SLC4A2: variants seen among roughly 807,000 people sequenced by gnomAD.
SLC4A2 encodes the protein anion exchange protein 2.
SLC4A2 carries 36 observed loss-of-function variants against 115.0 expected under a neutral mutation model. The ratio of observed to expected loss-of-function variants is 0.31; its 90% CI spans 0.24 to 0.41. The LOEUF (loss-of-function observed/expected upper bound fraction) is 0.41, where lower values mean the gene tolerates loss of function less well. Ranked by LOEUF, SLC4A2 falls within the 10% of genes least tolerant of loss-of-function variation. The pLI is 1.00. For missense variants in SLC4A2, 1,252 were observed against 1,705.6 expected (o/e 0.73, Z 4.68); for synonymous variants, 708 against 708.3 (o/e 1.00, Z 0.01).
chr7:151,073,362 C>A (rs1010370940), intron 16 of SLC4A2, among the ~76,000 whole-genome samples: 8 of 152,010 alleles, frequency 5.3e-5, no homozygotes, highest in Non-Finnish European at 1.2e-4. Context: ...CTCACTGCAA[C>A]TTTGGCATCC....
In SLC4A2 at chr7:151,076,078, C is replaced by A. The variant is rs2303940; in HGVS notation, c.3537C>A (p.Ala1179=). The change falls in exon 22 of 23, where the codon GCC becomes GCA. Residue 1179 remains alanine, a synonymous_variant. Coordinates refer to ENST00000413384, the MANE Select transcript of SLC4A2 (RefSeq NM_003040.4). The stretch of plus-strand genomic sequence containing the variant: ...TGCTCTGCCTGGCCCTGCTCTGGGC[C>A]GTCATGTCCACAGCTGCCTCCCTGG... ...LQLLCLALLW[A]VMSTAASLAF... is the part of the protein sequence containing the mutation. 6.2e-7 allele frequency: 1 copy of A among 1,611,606 alleles called. No homozygotes were observed. The highest frequency in any genetic ancestry group is 8.5e-7 in the Non-Finnish European group (1 of 1,179,964).
Position 151,064,884 on chromosome 7 carries a change from G to A in SLC4A2, c.496G>A (p.Ala166Thr). 3 of 1,613,998 alleles carry A rather than the reference G, an allele frequency of 1.9e-6. No homozygotes were observed. The highest frequency in any genetic ancestry group is 3.3e-5 in the Admixed American group (2 of 60,016). Residue 166 changes from alanine to threonine, a missense_variant, in exon 5 of 23, where the codon GCA (alanine) becomes ACA (threonine). Ala to Thr is a moderately conservative substitution (Grantham distance 58). This residue lies in a region of SLC4A2 where 215 missense variants were observed against 205.2 expected (regional missense o/e 1.05). Coordinates refer to ENST00000413384, the MANE Select transcript of SLC4A2 (RefSeq NM_003040.4). ...AGAGGATGACAGTGCTGACCGGAAG[G>A]CAGAGAGGACCAGTCCATCTTCCCC... ...LQEDDSADRK[A>T]ERTSPSSPAP...
At position 151,067,002 on chromosome 7, in the gene SLC4A2, C is replaced by T; in HGVS notation, c.966+9C>T. 1 of 1,581,702 alleles carries T rather than the reference C, an allele frequency of 6.3e-7. No homozygotes were observed. Among genetic ancestry groups the T allele is most frequent in the Middle Eastern group, 1.7e-4 (1 of 5,870 alleles). On this transcript the variant is annotated intron_variant, in intron 7 of 22. Transcript: ENST00000413384. ...CCCACAAGCCCCATGAGGTACCATG[C>T]TCTGCTTCATGCTCTTCCATCAACT... is the stretch of plus-strand genomic sequence containing the variant.
At chr7:151,070,418 A>G in intron 10 of SLC4A2, 39 bp from the exon 11 acceptor site, 1 of 1,611,486 alleles carries the variant, frequency 6.2e-7, no homozygotes, top group Non-Finnish European at 8.5e-7. Flanking sequence ...TCAGAGTGGG[A>G]GGGGCCTGGC....
chr7:151,064,295 G>A lies in SLC4A2; in HGVS notation c.145G>A (p.Glu49Lys), dbSNP rs1584983813. 6.2e-7 allele frequency: 1 copy of A among 1,611,446 alleles called. No homozygotes were observed. The highest frequency in any genetic ancestry group is 8.5e-7 in the Non-Finnish European group (1 of 1,179,536). Residue 49 changes from glutamate (E) to lysine (K), a missense_variant, in exon 3 of 23, where the codon GAG (glutamate) becomes AAG (lysine). By Grantham distance (56) the Glu-to-Lys change is moderately conservative. Coordinates refer to ENST00000413384, the MANE Select transcript of SLC4A2 (RefSeq NM_003040.4). Reference protein sequence around the residue: ...HRTLGVERFEEILQEAGSRGG... With the variant: ...HRTLGVERFEKILQEAGSRGG... ...CACCCTGGGCGTGGAGCGGTTTGAGGAGATCCTACAGGAGGCCGGGTCTCG... is the reference window on the plus strand; with the variant it reads ...CACCCTGGGCGTGGAGCGGTTTGAGAAGATCCTACAGGAGGCCGGGTCTCG...
chr7:151,065,341 T>C (rs901977921), intron 5 of SLC4A2, among the ~76,000 whole-genome samples: 1 of 152,116 alleles, frequency 6.6e-6, no homozygotes, highest in Non-Finnish European at 1.5e-5. Context: ...ACTGGACTGG[T>C]GACCTCCCAG....
At chr7:151,067,809 C>T (rs1288299191) in intron 7 of SLC4A2, 65 bp from the exon 8 acceptor site, 3 of 1,463,002 alleles carry the variant, frequency 2.1e-6, no homozygotes, top group African/African-American at 2.8e-5. Flanking sequence ...CCACTCACCT[C>T]TGACACCCAC....
Position 151,066,580 on chromosome 7 carries a change from C to T in SLC4A2, c.642C>T (p.Asp214=), listed in dbSNP as rs774633051. The change falls in exon 6 of 23, where the codon GAC becomes GAT. Residue 214 remains aspartate (D), a synonymous_variant. Transcript: ENST00000413384. ...VAVASGTAGG[D]DGGASGRPLP... ...TGGCCAGTGGCACTGCAGGGGGTGACGACGGGGGTGCCTCGGGGCGCCCCC... is the reference window on the plus strand; with the variant it reads ...TGGCCAGTGGCACTGCAGGGGGTGATGACGGGGGTGCCTCGGGGCGCCCCC... The T allele has an allele frequency of 1.0e-4, 160 of 1,546,616 alleles. No homozygotes were observed. The highest frequency in any genetic ancestry group is 1.3e-4 in the South Asian group (11 of 83,764).
rs761275427 is a variant in SLC4A2, at chr7:151,070,444, CTG to C, written c.1450-9_1450-8del. The C allele has an allele frequency of 1.2e-6, 2 of 1,611,414 alleles. No individual in the cohort carries two copies. Among genetic ancestry groups the C allele is most frequent in the Non-Finnish European group, 1.7e-6 (2 of 1,178,904 alleles). ...GGGGCCTGGCTGGGCTGAGCCCTGT[CTG>C]TGTCCCCCAGCGTGAGCTGCCGCCT... On this transcript the variant is annotated splice_polypyrimidine_tract_variant and intron_variant, in intron 10 of 22. Transcript: ENST00000413384.
rs773194897 is a variant in SLC4A2, at chr7:151,064,618, C to T, written c.310C>T (p.Arg104Trp). 5.0e-6 allele frequency: 8 copies of T among 1,613,424 alleles called. No individual in the cohort carries two copies. The highest frequency in any genetic ancestry group is 4.5e-5 in the East Asian group (2 of 44,890). ...CCGCAAGACACCCCAGGGCCCAGGA[C>T]GGAAGCCTCGAAGGCGCCCGGGAGC... ...RRRKTPQGPG[R>W]KPRRRPGASP... Residue 104 changes from arginine (R) to tryptophan (W), a missense_variant, in exon 4 of 23, where the codon CGG becomes TGG. This residue lies in a region of SLC4A2 where 215 missense variants were observed against 205.2 expected (regional missense o/e 1.05). Coordinates refer to ENST00000413384, the MANE Select transcript of SLC4A2 (RefSeq NM_003040.4).
rs1797457340 is a variant in SLC4A2, at chr7:151,072,002, G to T, written c.2401G>T (p.Val801Leu). The T allele has an allele frequency of 6.2e-7, 1 of 1,613,978 alleles. No homozygotes were observed. Among genetic ancestry groups the T allele is most frequent in the Admixed American group, 1.7e-5 (1 of 60,000 alleles). Residue 801 changes from valine to leucine, a missense_variant, in exon 16 of 23, where the codon GTG becomes TTG. Transcript: ENST00000413384. ...VGRVWIGFWL[V>L]FLALLMVALE... Reference sequence around the variant, plus strand: ...CCGTGTGTGGATCGGCTTCTGGCTGGTGTTCCTGGCCCTGCTCATGGTGGC... The same window carrying T: ...CCGTGTGTGGATCGGCTTCTGGCTGTTGTTCCTGGCCCTGCTCATGGTGGC...
Position 151,059,619 on chromosome 7 carries a change from G to C in SLC4A2, c.-207G>C, listed in dbSNP as rs1197018643. On this transcript the variant is annotated 5_prime_UTR_variant, in exon 1 of 23. Transcript: ENST00000413384. The surrounding 1 kb of genome is among the most constrained non-coding windows in gnomAD (Gnocchi z 5.8). The stretch of plus-strand genomic sequence containing the variant: ...CAGGGGGCTGGCCTGCCCGCGGCGC[G>C]GGGGAAAGTTGAGTTGGGAGAAGTT... 6.6e-6 allele frequency: 1 copy of C among 151,538 alleles called. No individual in the cohort carries two copies. Among genetic ancestry groups the C allele is most frequent in the Admixed American group, 6.6e-5 (1 of 15,240 alleles). 9.4% of individuals were successfully genotyped at this position (151,538 alleles called of 1,614,324 possible).
intron 5 of SLC4A2, among the ~76,000 whole-genome samples, chr7:151,065,594 T>C (rs1797200983): frequency 6.6e-6 from 1 of 152,158 alleles, no homozygotes; most frequent in African/African-American, 2.4e-5. Flanking sequence ...CACGGACCTG[T>C]TGTTTTCTGG....
chr7:151,062,925 G>A (rs1187363335), intron 2 of SLC4A2: 30 of 1,396,284 alleles, frequency 2.1e-5, no homozygotes, highest in Non-Finnish European at 2.8e-5. Context: ...AGCCCTCCCC[G>A]CGCTCTTCCT....
rs1242916436 is a variant in SLC4A2 at position 151,070,568 on chromosome 7, G to A, written c.1561G>A (p.Val521Met). 6.2e-7 allele frequency: 1 copy of A among 1,612,596 alleles called. No homozygotes were observed. The highest frequency in any genetic ancestry group is 8.5e-7 in the Non-Finnish European group (1 of 1,179,388). ...GAATGCCGAGGCCACGGTGGTCCTTGTGGGTATGTGGGGCAGGTCACATGT... is the reference window on the plus strand; with the variant it reads ...GAATGCCGAGGCCACGGTGGTCCTTATGGGTATGTGGGGCAGGTCACATGT... ...PENAEATVVL[V>M]GCVEFLSRPT... The change falls in exon 11 of 23, where the codon GTG becomes ATG. Residue 521 changes from valine (V) to methionine (M), a missense_variant. Physicochemically the swap from Val to Met is conservative, Grantham distance 21. This residue lies in a region of SLC4A2 where 87 missense variants were observed against 170.3 expected (regional missense o/e 0.51). Coordinates refer to ENST00000413384, the MANE Select transcript of SLC4A2 (RefSeq NM_003040.4).
At position 151,071,254 on chromosome 7, in the gene SLC4A2, A is replaced by G. The variant is rs1218230012; in HGVS notation, c.1932A>G (p.Leu644=). The change falls in exon 13 of 23, where the codon CTA becomes CTG. Residue 644 remains leucine (L), a synonymous_variant. Coordinates refer to ENST00000413384, the MANE Select transcript of SLC4A2 (RefSeq NM_003040.4). The surrounding 1 kb of genome is among the most constrained non-coding windows in gnomAD (Gnocchi z 5.5). ...LKKREEQGRL[L]PTGAGLEPKS... ...AGCGAGAGGAGCAGGGCCGGCTGCT[A>G]CCTACAGGGGCTGGGCTGGAGCCCA... The G allele has an allele frequency of 6.4e-7, 1 of 1,567,886 alleles. No individual in the cohort carries two copies. Among genetic ancestry groups the G allele is most frequent in the African/African-American group, 1.4e-5 (1 of 73,664 alleles).
rs764054031 is a variant in SLC4A2 at position 151,076,509 on chromosome 7, G to A, written c.*142G>A. Reference sequence around the variant, plus strand: ...CCTCCCCCACTGCCCCTGCAGTAAAGTGCTTTGGCCCCCACCTATCTGTGG... The same window carrying A: ...CCTCCCCCACTGCCCCTGCAGTAAAATGCTTTGGCCCCCACCTATCTGTGG... On this transcript the variant is annotated 3_prime_UTR_variant, in exon 23 of 23. Coordinates refer to ENST00000413384, the MANE Select transcript of SLC4A2 (RefSeq NM_003040.4). The A allele has an allele frequency of 5.1e-5, 39 of 759,712 alleles. No homozygotes were observed. Among genetic ancestry groups the A allele is most frequent in the Admixed American group, 2.1e-4 (6 of 29,120 alleles). 47.1% of individuals were successfully genotyped at this position (759,712 alleles called of 1,614,324 possible). A position where few individuals can be genotyped will look rare whatever the true frequency, so the allele number is the denominator to read the frequency against.
chr7:151,073,739 C>T (rs1184060006), intron 16 of SLC4A2, among the ~76,000 whole-genome samples: 2 of 152,124 alleles, frequency 1.3e-5, no homozygotes, highest in Non-Finnish European at 2.9e-5. Context: ...TGTGACAGGC[C>T]ACTCAGTGGT....
At chr7:151,061,471 G>A (rs1797044009) in intron 1 of SLC4A2, 1 of 155,370 alleles carries the variant, frequency 6.4e-6, no homozygotes, top group Non-Finnish European at 1.4e-5. Context: ...CGGCTCCACG[G>A]GGTGTCTCAC....
Sources: gnomAD v4.1 joint callset for allele counts (sites outside exome capture counted in the v4.1 genomes callset) on GRCh38, gnomAD v4.1.1 for gene constraint, gnomAD v4.1.1 regional missense constraint, Gnocchi (gnomAD v3.1) non-coding constraint, MANE v1.5 for transcripts, NCBI Gene and HGNC (gene_info 2026-07-23, HGNC 2026-07-21) for gene names.